The following ZNF560 variants were observed in gnomAD, a reference collection of about 807,000 sequenced individuals.
ZNF560 encodes the protein zinc finger protein 560.
In ZNF560, 54 loss-of-function variants were observed where a neutral mutation model predicts 81.8. The observed-to-expected ratio is 0.66, with a 90% CI of 0.53 to 0.83. The LOEUF is 0.83. Among genes scored for constraint, ZNF560 ranks in the 40% least tolerant of loss-of-function variants. The pLI is 0.00. For synonymous variants in ZNF560, 321 were observed against 317.9 expected, an observed-to-expected ratio of 1.01 and a Z score of -0.10; for missense variants, 940 against 932.4, an observed-to-expected ratio of 1.01 and a Z score of -0.11.
chr19:9,483,420 C>A (rs1432544080), intron 2 of ZNF560, among the ~76,000 whole-genome samples: 2 of 140,526 alleles, frequency 1.4e-5, no homozygotes, highest in African/African-American at 5.3e-5. Context: ...GGAGCCCCTC[C>A]GCCTGGCAGC....
At chr19:9,479,825 C>A (rs1384289794) in intron 2 of ZNF560, among the ~76,000 whole-genome samples, 3 of 151,490 alleles carry the variant, frequency 2.0e-5, no homozygotes, top group Admixed American at 6.6e-5. Context: ...AATACAACAT[C>A]ATTTTATAAG....
In ZNF560 at chr19:9,493,356, T is replaced by C. The variant is rs116043262; in HGVS notation, c.-57+4772A>G. 7.7e-3 allele frequency among the ~76,000 whole-genome samples: 1,176 copies of C among 152,328 alleles called. 13 individuals carry two copies. The highest frequency in any genetic ancestry group is 0.026 in the African/African-American group (1,096 of 41,582). On this transcript the variant is annotated intron_variant, in intron 2 of 9. Coordinates refer to ENST00000301480, the MANE Select transcript of ZNF560 (RefSeq NM_152476.3). ...GACAGAAACAACAACTGCAGTAGTC[T>C]GGCAGGTTTTCTGTTTTTGCTTTTT...
downstream of ZNF560, among the ~76,000 whole-genome samples, chr19:9,465,820 C>T (rs557009157): frequency 6.6e-6 from 1 of 152,222 alleles, no homozygotes; most frequent in South Asian, 2.1e-4. Flanking sequence ...TGTTGAAACC[C>T]CGTCTCTACT....
At position 9,467,100 on chromosome 19, in the gene ZNF560, G is replaced by A; in HGVS notation, c.1847C>T (p.Thr616Ile). The A allele has an allele frequency of 6.2e-7, 1 of 1,613,808 alleles. No individual in the cohort carries two copies. The highest frequency in any genetic ancestry group is 8.5e-7 in the Non-Finnish European group (1 of 1,179,964). The change falls in exon 10 of 10, where the codon ACT becomes ATT. Residue 616 changes from threonine to isoleucine, a missense_variant. Transcript: ENST00000301480. ...TCCAGTGTGTCTTCGTAAATGTTTA[G>A]TAAGATCTGAGCGTTCTGTGAAGGC... is the stretch of plus-strand genomic sequence containing the variant. The part of the protein sequence containing the change: ...GKAFTERSDL[T>I]KHLRRHTGDK...
chr19:9,447,992 G>A, the ZNF560 span, among the ~76,000 whole-genome samples: 3 of 152,222 alleles, frequency 2.0e-5, no homozygotes, highest in East Asian at 1.9e-4. Context: ...AGGGAATCTC[G>A]TCATCAGGCT....
intron 8 of ZNF560, among the ~76,000 whole-genome samples, 190 bp downstream of exon 8, chr19:9,469,440 G>T (rs146380758): frequency 4.2e-4 from 64 of 152,276 alleles, no homozygotes; most frequent in Non-Finnish European, 6.9e-4. Flanking sequence ...CATAAAGAAG[G>T]TCATTTGTTA....
At chr19:9,460,531 T>C in the ZNF560 span, among the ~76,000 whole-genome samples, 1 of 152,186 alleles carries the variant, frequency 6.6e-6, no homozygotes, top group African/African-American at 2.4e-5. Flanking sequence ...CTACAGATGA[T>C]AGAGGCCCAT....
chr19:9,449,402 T>C, the ZNF560 span, among the ~76,000 whole-genome samples: 18 of 152,196 alleles, frequency 1.2e-4, no homozygotes, highest in Non-Finnish European at 1.8e-4. Context: ...GAATGACTTT[T>C]GGGTAAACAG....
At chr19:9,504,165 G>A in the ZNF560 span, among the ~76,000 whole-genome samples, 1 of 152,152 alleles carries the variant, frequency 6.6e-6, no homozygotes, top group African/African-American at 2.4e-5. Context: ...TGGGTGCGGT[G>A]GCTCACACCT....
the ZNF560 span, among the ~76,000 whole-genome samples, chr19:9,458,594 A>G: frequency 6.6e-6 from 1 of 152,244 alleles, no homozygotes; most frequent in South Asian, 2.1e-4. Context: ...CCCAATTGCA[A>G]ACAGCAGTTA....
chr19:9,484,044 G>A (rs967473749), intron 2 of ZNF560, among the ~76,000 whole-genome samples: 2 of 152,106 alleles, frequency 1.3e-5, no homozygotes, highest in Non-Finnish European at 2.9e-5. Flanking sequence ...GGGTTAAATG[G>A]ATTAAGGGTG....
chr19:9,488,294 G>C (rs1484513358), intron 2 of ZNF560, among the ~76,000 whole-genome samples: 1 of 152,084 alleles, frequency 6.6e-6, no homozygotes, highest in Non-Finnish European at 1.5e-5. Context: ...TTTCCAACCA[G>C]CAGAATCCTG....
chr19:9,505,087 A>AAAAT, the ZNF560 span, among the ~76,000 whole-genome samples: 884 of 152,278 alleles, frequency 5.8e-3, 9 homozygotes, highest in African/African-American at 0.02. Flanking sequence ...TTGTCTCAAA[A>AAAAT]AAATAAATAA....
At chr19:9,478,810 GA>G (rs1250881136) in intron 2 of ZNF560, among the ~76,000 whole-genome samples, 1 of 151,772 alleles carries the variant, frequency 6.6e-6, no homozygotes, top group Non-Finnish European at 1.5e-5. Context: ...GTACACTAGA[GA>G]AAATTATTAA....
intron 2 of ZNF560, among the ~76,000 whole-genome samples, chr19:9,483,554 G>A (rs1233112673): frequency 1.5e-4 from 22 of 146,018 alleles, no homozygotes; most frequent in African/African-American, 3.5e-4. Flanking sequence ...GCCCCCGCCC[G>A]GCCAGCCGCC....
upstream of ZNF560, among the ~76,000 whole-genome samples, chr19:9,503,218 T>C (rs942066193): frequency 2.0e-5 from 3 of 152,102 alleles, no homozygotes; most frequent in African/African-American, 7.2e-5. Flanking sequence ...CCAGACCTTG[T>C]CTCAAATAAT....
At chr19:9,459,694 A>C in the ZNF560 span, among the ~76,000 whole-genome samples, 5 of 152,166 alleles carry the variant, frequency 3.3e-5, no homozygotes, top group Non-Finnish European at 7.4e-5. Context: ...GGGGGTAGAC[A>C]GGTGAGGATG....
intron 2 of ZNF560, among the ~76,000 whole-genome samples, chr19:9,496,877 A>G (rs761678652): frequency 4.6e-5 from 7 of 152,078 alleles, no homozygotes; most frequent in African/African-American, 1.7e-4. Flanking sequence ...CAGAGGTTGC[A>G]GTAAGTCGAG....
At chr19:9,483,735 T>C (rs181911058) in intron 2 of ZNF560, among the ~76,000 whole-genome samples, 22,190 of 130,250 alleles carry the variant, frequency 0.17, 2,434 homozygotes, top group African/African-American at 0.34. Context: ...TCTGCCCGGC[T>C]GCCCCTTCTG....
Sources: allele counts gnomAD v4.1 joint callset (sites outside exome capture counted in the v4.1 genomes callset), GRCh38; gene constraint gnomAD v4.1.1; transcripts MANE v1.5; gene names NCBI Gene and HGNC (gene_info 2026-07-23, HGNC 2026-07-21).